CCDC169: variants seen among roughly 807,000 people sequenced by gnomAD.
CCDC169 encodes coiled-coil domain containing 169.
CCDC169 carries 30 observed loss-of-function variants against 36.0 expected under a neutral mutation model. That is an observed-to-expected ratio of 0.83 (90% CI 0.62 to 1.13). CCDC169 has a LOEUF of 1.13. CCDC169 is among the 50% of genes most tolerant of loss of function. CCDC169 has a pLI of 0.00. For missense variants in CCDC169, 245 were observed against 245.9 expected (o/e 1.00, Z 0.03); for synonymous variants, 85 against 81.5 (o/e 1.04, Z -0.23).
intron 4 of CCDC169, among the ~76,000 whole-genome samples, chr13:36,272,109 AAAT>A (rs766496490): frequency 0.24 from 35,222 of 145,312 alleles, 4,704 homozygotes; most frequent in East Asian, 0.48. Flanking sequence ...CTAAAAAAAT[AAAT>A]AAATAAATAA....
At chr13:36,293,741 G>A (rs1394322642) in intron 2 of CCDC169, among the ~76,000 whole-genome samples, 1 of 152,166 alleles carries the variant, frequency 6.6e-6, no homozygotes, top group African/African-American at 2.4e-5. Flanking sequence ...AGTCATCACG[G>A]AATGACCAGC....
At chr13:36,283,331 C>T (rs1998797) in intron 4 of CCDC169, 138 bp downstream of exon 4, 211,346 of 796,428 alleles carry the variant, frequency 0.27, 29,482 homozygotes, top group East Asian at 0.47. Flanking sequence ...TATTTGTTGT[C>T]CTTCAAACAG....
rs9547145 is a variant in CCDC169, at chr13:36,297,593, G to C, written c.83+44C>G. 3,983 of 1,530,638 alleles carry C rather than the reference G, an allele frequency of 2.6e-3. 33 individuals are homozygous for C. The African/African-American group carries it at 0.03, about 12-fold the overall frequency. 94.8% of individuals were successfully genotyped at this position (1,530,638 alleles called of 1,614,324 possible). Reference sequence around the variant, plus strand: ...CTGAGACTCTGCAGGTGAAGGCTCGGGGGGTGTGGACGGGACCCCACACCG... The same window carrying C: ...CTGAGACTCTGCAGGTGAAGGCTCGCGGGGTGTGGACGGGACCCCACACCG... On this transcript the variant is annotated intron_variant, in intron 1 of 7. Transcript: ENST00000239859.
intron 4 of CCDC169, among the ~76,000 whole-genome samples, chr13:36,272,861 G>A (rs1876284683): frequency 1.3e-5 from 2 of 152,166 alleles, no homozygotes; most frequent in Admixed American, 6.5e-5. Context: ...TATCCCAGCT[G>A]CGTGGGATGG....
At chr13:36,222,992 T>C (rs1334005853), downstream of CCDC169, 2 of 152,074 alleles carry the variant, frequency 1.3e-5, no homozygotes, top group Non-Finnish European at 2.9e-5. Context: ...AGAAAAATAA[T>C]ACAAAAATGG....
intron 7 of CCDC169, among the ~76,000 whole-genome samples, chr13:36,237,391 T>A (rs551838409): frequency 6.6e-6 from 1 of 152,104 alleles, no homozygotes; most frequent in Admixed American, 6.6e-5. Context: ...TGGCAGTTCC[T>A]CAAAAAGATA....
intron 7 of CCDC169, among the ~76,000 whole-genome samples, chr13:36,235,414 A>AT (rs1296791769): frequency 1.3e-5 from 2 of 151,868 alleles, no homozygotes; most frequent in African/African-American, 2.4e-5. Flanking sequence ...AAAAGATTTG[A>AT]TTTTTTATTT....
At chr13:36,250,359 AC>A (rs562701219) in intron 6 of CCDC169, among the ~76,000 whole-genome samples, 70 of 152,290 alleles carry the variant, frequency 4.6e-4, no homozygotes, top group African/African-American at 1.6e-3. Flanking sequence ...CAGAGACCAC[AC>A]CAAAAGAGCT....
intron 4 of CCDC169, among the ~76,000 whole-genome samples, chr13:36,272,603 C>T (rs1056853182): frequency 3.3e-5 from 5 of 151,966 alleles, no homozygotes; most frequent in African/African-American, 7.3e-5. Flanking sequence ...TTCTAAAGGG[C>T]ATTTCAGGTT....
At chr13:36,290,514 C>T (rs1333432622) in intron 2 of CCDC169, among the ~76,000 whole-genome samples, 1 of 151,940 alleles carries the variant, frequency 6.6e-6, no homozygotes, top group East Asian at 1.9e-4. Context: ...CCTCCAGGCC[C>T]AGGGGCTATC....
At chr13:36,297,506 G>A (rs890356115) in intron 1 of CCDC169, 131 bp downstream of exon 1, 1 of 811,938 alleles carries the variant, frequency 1.2e-6, no homozygotes, top group South Asian at 1.5e-5. Context: ...TTGGAACCCA[G>A]ACCGAAGTGC....
At chr13:36,259,863 T>A (rs1594040847) in intron 4 of CCDC169, among the ~76,000 whole-genome samples, 2 of 152,272 alleles carry the variant, frequency 1.3e-5, no homozygotes, top group South Asian at 4.1e-4. Context: ...TTCTCCAGAC[T>A]CCCACCAGGT....
At chr13:36,297,148 AC>A (rs1254454243) in intron 1 of CCDC169, among the ~76,000 whole-genome samples, 1 of 152,210 alleles carries the variant, frequency 6.6e-6, no homozygotes, top group Non-Finnish European at 1.5e-5. Flanking sequence ...TCCAAAAAAT[AC>A]TTTAAATGTT....
At chr13:36,271,342 G>C (rs1052390710) in intron 4 of CCDC169, among the ~76,000 whole-genome samples, 11 of 152,166 alleles carry the variant, frequency 7.2e-5, no homozygotes, top group Non-Finnish European at 5.9e-5. Context: ...ATAGAAAACA[G>C]TACGGAGATT....
chr13:36,228,047 C>T (rs187086730), downstream of CCDC169, among the ~76,000 whole-genome samples: 207 of 152,312 alleles, frequency 1.4e-3, no homozygotes, highest in African/African-American at 4.6e-3. Context: ...GAATATACTA[C>T]ATTTTATTTA....
At chr13:36,260,883 C>A (rs1020805279) in intron 4 of CCDC169, among the ~76,000 whole-genome samples, 2 of 152,134 alleles carry the variant, frequency 1.3e-5, no homozygotes, top group Admixed American at 1.3e-4. Context: ...CAGAGAGGAC[C>A]TAGAAGTACA....
At chr13:36,289,919 C>T (rs1878667443) in intron 2 of CCDC169, among the ~76,000 whole-genome samples, 1 of 152,122 alleles carries the variant, frequency 6.6e-6, no homozygotes, top group African/African-American at 2.4e-5. Context: ...TGGCTTATTG[C>T]TGGTGTTTAT....
At chr13:36,293,889 C>T (rs1879192412) in intron 2 of CCDC169, among the ~76,000 whole-genome samples, 1 of 152,002 alleles carries the variant, frequency 6.6e-6, no homozygotes, top group African/African-American at 2.4e-5. Flanking sequence ...ATTTGCTATG[C>T]AGCAAAAGAC....
chr13:36,250,701 A>G (rs1873045333), intron 6 of CCDC169, among the ~76,000 whole-genome samples: 1 of 152,108 alleles, frequency 6.6e-6, no homozygotes. Flanking sequence ...ACAAAACAAA[A>G]ACCTATGGGA....
Sources: allele counts gnomAD v4.1 joint callset (sites outside exome capture counted in the v4.1 genomes callset), GRCh38; gene constraint gnomAD v4.1.1; transcripts MANE v1.5; gene names NCBI Gene and HGNC (gene_info 2026-07-23, HGNC 2026-07-21).